Variants in ASB15 observed in about 807,000 individuals in gnomAD.
The protein encoded by ASB15 is ankyrin repeat and SOCS box containing 15.
Under a neutral mutation model 58.0 loss-of-function variants are expected in ASB15, and 54 were observed. That is an observed-to-expected ratio of 0.93 (90% CI 0.75 to 1.17). The LOEUF is 1.17. Ranked by LOEUF, ASB15 falls within the 50% of genes most tolerant of loss-of-function variation. The pLI is 0.00. For synonymous variants in ASB15, 249 were observed against 262.4 expected (o/e 0.95, Z 0.50); for missense variants, 680 against 707.4 (o/e 0.96, Z 0.44).
At chr7:123,583,786 T>G (rs1799301765) in intron 1 of ASB15, among the ~76,000 whole-genome samples, 2 of 151,798 alleles carry the variant, frequency 1.3e-5, no homozygotes, top group South Asian at 4.1e-4. Context: ...AGAAGCAAAG[T>G]AGAGGGGGGA....
intron 1 of ASB15, among the ~76,000 whole-genome samples, chr7:123,575,428 A>G (rs907768287): frequency 2.0e-5 from 3 of 152,088 alleles, no homozygotes; most frequent in African/African-American, 7.2e-5. Context: ...GATATTCCAC[A>G]TGAGGCAATC....
At chr7:123,569,316 T>C (rs1428396322) in intron 1 of ASB15, among the ~76,000 whole-genome samples, 1 of 152,022 alleles carries the variant, frequency 6.6e-6, no homozygotes, top group Admixed American at 6.6e-5. Flanking sequence ...TAACAACCAA[T>C]ACAGCATAAA....
intron 2 of ASB15, among the ~76,000 whole-genome samples, chr7:123,607,190 T>G (rs758375936): frequency 6.6e-6 from 1 of 152,234 alleles, no homozygotes; most frequent in Non-Finnish European, 1.5e-5. Context: ...TCAACTATAC[T>G]TCAATAAAGT....
chr7:123,616,609 T>C lies in ASB15; in HGVS notation c.292+114T>C, dbSNP rs78287913. On this transcript the variant is annotated intron_variant, in intron 6 of 11. Transcript: ENST00000451215. ...AGAAAGAAAAGGCAGATTAAAATAT[T>C]ATTTGGAATTTGAAAAAGGCAGCAC... 4,363 of 1,257,496 alleles carry C rather than the reference T, an allele frequency of 3.5e-3. 116 individuals are homozygous for C. In the African/African-American group the frequency reaches 0.059, roughly 17 times the overall value. 77.9% of individuals were successfully genotyped at this position (1,257,496 alleles called of 1,614,324 possible).
At chr7:123,610,670 T>C (rs76559006) in intron 3 of ASB15, among the ~76,000 whole-genome samples, 2,575 of 152,270 alleles carry the variant, frequency 0.017, 75 homozygotes, top group African/African-American at 0.059. Flanking sequence ...CCATAGCTTT[T>C]ATCAAATGTT....
At chr7:123,620,661 C>G (rs1237381239) in intron 7 of ASB15, among the ~76,000 whole-genome samples, 3 of 139,030 alleles carry the variant, frequency 2.2e-5, no homozygotes, top group Non-Finnish European at 4.6e-5. Flanking sequence ...CTCCCGGGTT[C>G]ACACCATTCT....
intron 11 of ASB15, among the ~76,000 whole-genome samples, chr7:123,632,081 A>G (rs1802151044): frequency 6.7e-6 from 1 of 149,266 alleles, no homozygotes. Flanking sequence ...CCATCTCAAA[A>G]ATAATAATAA....
chr7:123,570,438 T>C (rs1292884852), intron 1 of ASB15, among the ~76,000 whole-genome samples: 5 of 151,554 alleles, frequency 3.3e-5, no homozygotes, highest in African/African-American at 1.2e-4. Flanking sequence ...TGGCAGGGAC[T>C]GTTACTGGTA....
chr7:123,617,565 C>T lies in ASB15; in HGVS notation c.293-14C>T, dbSNP rs746384568. 6.3e-7 allele frequency: 1 copy of T among 1,596,110 alleles called. No individual in the cohort carries two copies. Among genetic ancestry groups the T allele is most frequent in the Non-Finnish European group, 8.6e-7 (1 of 1,166,324 alleles). The stretch of plus-strand genomic sequence containing the variant: ...GTATTTTCAACTTTTCAACATAATG[C>T]TTTCATGTCACAGCATCCTATAAGA... On this transcript the variant is annotated splice_polypyrimidine_tract_variant and intron_variant, in intron 6 of 11. Coordinates refer to ENST00000451215, the MANE Select transcript of ASB15 (RefSeq NM_001290258.2).
Position 123,617,575 on chromosome 7 carries a change from A to G in ASB15, c.293-4A>G. 6.2e-7 allele frequency: 1 copy of G among 1,603,844 alleles called. No homozygotes were observed. ...CTTTTCAACATAATGCTTTCATGTC[A>G]CAGCATCCTATAAGACACTCTGGGA... On this transcript the variant is annotated splice_region_variant and splice_polypyrimidine_tract_variant and intron_variant, in intron 6 of 11. Coordinates refer to ENST00000451215, the MANE Select transcript of ASB15 (RefSeq NM_001290258.2).
At position 123,618,561 on chromosome 7, in the gene ASB15, T is replaced by A. The variant is rs146698274; in HGVS notation, c.451+824T>A. Among the ~76,000 whole-genome samples the A allele has an allele frequency of 4.8e-3, 737 of 152,124 alleles. 8 individuals are homozygous for A. Among genetic ancestry groups the A allele is most frequent in the African/African-American group, 0.017 (693 of 41,476 alleles). ...ATATAAAAGCTCTCACATTAATAGA[T>A]GTTCAAGAGGGAAGAGCCATTATGA... On this transcript the variant is annotated intron_variant, in intron 7 of 11. Transcript: ENST00000451215.
At chr7:123,633,369 A>G (rs1206701145) in intron 11 of ASB15, among the ~76,000 whole-genome samples, 1 of 152,080 alleles carries the variant, frequency 6.6e-6, no homozygotes, top group Non-Finnish European at 1.5e-5. Context: ...GTGATATAAT[A>G]TTAATATTGT....
At chr7:123,594,660 G>A (rs1013004999) in intron 1 of ASB15, among the ~76,000 whole-genome samples, 5 of 152,102 alleles carry the variant, frequency 3.3e-5, no homozygotes, top group Admixed American at 6.5e-5. Context: ...TGGAAGCTTC[G>A]TCCCAGAGGG....
At chr7:123,614,104 A>G in intron 3 of ASB15, 1 of 167,860 alleles carries the variant, frequency 6.0e-6, no homozygotes, top group East Asian at 1.9e-4. Flanking sequence ...TATCCATCTT[A>G]CCCTCATTGG....
chr7:123,604,969 AG>A (rs1483644411), intron 2 of ASB15, among the ~76,000 whole-genome samples: 14 of 152,162 alleles, frequency 9.2e-5, no homozygotes, highest in Admixed American at 2.6e-4. Context: ...ATTTGAACAA[AG>A]GTTCAACCGT....
intron 11 of ASB15, among the ~76,000 whole-genome samples, chr7:123,634,587 T>C (rs1369666203): frequency 6.6e-6 from 1 of 152,174 alleles, no homozygotes; most frequent in Non-Finnish European, 1.5e-5. Flanking sequence ...AGCTCCAGAA[T>C]ATGATAGAAA....
At chr7:123,626,274 T>G (rs1373069185) in intron 8 of ASB15, among the ~76,000 whole-genome samples, 1 of 152,048 alleles carries the variant, frequency 6.6e-6, no homozygotes, top group African/African-American at 2.4e-5. Flanking sequence ...AAGGCCAAGG[T>G]GGGTAGATTA....
At chr7:123,581,553 C>T (rs976642848) in intron 1 of ASB15, among the ~76,000 whole-genome samples, 11 of 151,850 alleles carry the variant, frequency 7.2e-5, no homozygotes, top group African/African-American at 2.4e-4. Flanking sequence ...GTTCTAAAGA[C>T]CTTGTGAGCT....
chr7:123,574,316 C>A (rs1307158175), intron 1 of ASB15, among the ~76,000 whole-genome samples: 2 of 151,948 alleles, frequency 1.3e-5, no homozygotes, highest in East Asian at 3.9e-4. Context: ...TAGCCCAGGA[C>A]AATCTTTTAA....
Sources: gnomAD v4.1 joint callset for allele counts (sites outside exome capture counted in the v4.1 genomes callset) on GRCh38, gnomAD v4.1.1 for gene constraint, MANE v1.5 for transcripts, NCBI Gene and HGNC (gene_info 2026-07-23, HGNC 2026-07-21) for gene names.